The following PCDHGA8 variants were observed in gnomAD, a reference collection of about 807,000 sequenced individuals.
PCDHGA8 encodes protocadherin gamma subfamily A, 8.
Under a neutral mutation model 59.2 loss-of-function variants are expected in PCDHGA8, and 45 were observed. The observed-to-expected ratio is 0.76, with a 90% CI of 0.60 to 0.98. The LOEUF is 0.98. PCDHGA8 is among the 50% of genes least tolerant of loss of function. The probability of loss-of-function intolerance (pLI) is 0.00; values close to 1 mark genes in which losing one functional copy is unlikely to be tolerated. For missense variants in PCDHGA8, 1,257 were observed against 1,196.2 expected (o/e 1.05, Z -0.75); for synonymous variants, 531 against 519.0 (o/e 1.02, Z -0.32).
intron 1 of PCDHGA8, chr5:141,399,287 C>A: frequency 6.2e-7 from 1 of 1,613,912 alleles, no homozygotes; most frequent in Non-Finnish European, 8.5e-7. Context: ...GGCGAAGTCC[C>A]TTTTAAGATT....
intron 1 of PCDHGA8, chr5:141,421,970 A>G (rs2096615419): frequency 1.2e-6 from 2 of 1,610,810 alleles, no homozygotes; most frequent in Non-Finnish European, 1.7e-6. Context: ...CAGTCCGTAT[A>G]TCGCGTGAGT....
intron 1 of PCDHGA8, chr5:141,397,859 C>T: frequency 1.8e-6 from 1 of 559,674 alleles, no homozygotes. Context: ...CTGTAGTTTC[C>T]TAGTGCTGAC....
Position 141,490,369 on chromosome 5 carries a change from C to T in PCDHGA8, c.2425-4438C>T, listed in dbSNP as rs201347968. On this transcript the variant is annotated intron_variant, in intron 1 of 3. Transcript: ENST00000398604. This position sits in a 1 kb window ranked among gnomAD's most constrained non-coding sequence, Gnocchi z 5.4. ...AGTGGGGTTGTTTAATGTGCGAGAC[C>T]GGGACTCAGGTAGAAATGGTGAAGT... The T allele has an allele frequency of 4.0e-5, 64 of 1,614,090 alleles. No individual in the cohort carries two copies. In the Admixed American group the frequency reaches 6.0e-4, roughly 15 times the overall value.
Position 141,420,255 on chromosome 5 carries a change from A to T in PCDHGA8, c.2424+25018A>T, listed in dbSNP as rs917458059. The T allele has an allele frequency of 2.5e-6, 4 of 1,569,630 alleles. No homozygotes were observed. The highest frequency in any genetic ancestry group is 1.4e-5 in the African/African-American group (1 of 73,152). On this transcript the variant is annotated intron_variant, in intron 1 of 3. Coordinates refer to ENST00000398604, the MANE Select transcript of PCDHGA8 (RefSeq NM_032088.2). ...ATTTTAACTCCCAGCGTTGAAGCAG[A>T]TAAGAAGATTCTTAAACAGGTAAGT...
chr5:141,398,829 C>G (rs1020690994), intron 1 of PCDHGA8: 2 of 1,613,876 alleles, frequency 1.2e-6, no homozygotes, highest in African/African-American at 1.3e-5. Context: ...AGGTAACCGA[C>G]GCCAATGATA....
In PCDHGA8 at chr5:141,432,113, T is replaced by G. The variant is rs1174697940; in HGVS notation, c.2424+36876T>G. 1 of 1,614,078 alleles carries G rather than the reference T, an allele frequency of 6.2e-7. No homozygotes were observed. The highest frequency in any genetic ancestry group is 8.5e-7 in the Non-Finnish European group (1 of 1,180,006). On this transcript the variant is annotated intron_variant, in intron 1 of 3. Coordinates refer to ENST00000398604, the MANE Select transcript of PCDHGA8 (RefSeq NM_032088.2). The surrounding 1 kb of genome is among the most constrained non-coding windows in gnomAD (Gnocchi z 6.0). ...AGACACCAACGACAACCCGCCGGTC[T>G]TCCCTCAGGCCTCCTATTCCGCTTA... is the stretch of plus-strand genomic sequence containing the variant.
chr5:141,486,137 G>A lies in PCDHGA8; in HGVS notation c.2425-8670G>A, dbSNP rs1187526031. 1 of 1,614,074 alleles carries A rather than the reference G, an allele frequency of 6.2e-7. No individual in the cohort carries two copies. On this transcript the variant is annotated intron_variant, in intron 1 of 3. Coordinates refer to ENST00000398604, the MANE Select transcript of PCDHGA8 (RefSeq NM_032088.2). The surrounding 1 kb of genome is among the most constrained non-coding windows in gnomAD (Gnocchi z 5.0). ...GAATTACTATGAATTTGATGTGCGGGCTCGCGATGGGGGTTCTCCAGCCAT... is the reference window on the plus strand; with the variant it reads ...GAATTACTATGAATTTGATGTGCGGACTCGCGATGGGGGTTCTCCAGCCAT...
rs758066525 is a variant in PCDHGA8, at chr5:141,477,331, T to C, written c.2425-17476T>C. The C allele has an allele frequency of 7.4e-6, 12 of 1,614,024 alleles. No individual in the cohort carries two copies. In the East Asian group the frequency reaches 1.1e-4, roughly 15 times the overall value. Reference sequence around the variant, plus strand: ...TCAGCCTTACTTCTTCCCTCAAGAATTACTTCACTTTGAAAACCAGTGCAG... The same window carrying C: ...TCAGCCTTACTTCTTCCCTCAAGAACTACTTCACTTTGAAAACCAGTGCAG... On this transcript the variant is annotated intron_variant, in intron 1 of 3. Coordinates refer to ENST00000398604, the MANE Select transcript of PCDHGA8 (RefSeq NM_032088.2). This position sits in a 1 kb window ranked among gnomAD's most constrained non-coding sequence, Gnocchi z 4.9.
intron 1 of PCDHGA8, chr5:141,400,163 ACC>A (rs2093974471): frequency 6.2e-7 from 1 of 1,613,712 alleles, no homozygotes. Context: ...GTACCCTCTG[ACC>A]CCCAGGCTGA....
At position 141,392,915 on chromosome 5, in the gene PCDHGA8, T is replaced by A; in HGVS notation, c.102T>A (p.Ser34=). 2 of 1,613,920 alleles carry A rather than the reference T, an allele frequency of 1.2e-6. No individual in the cohort carries two copies. The highest frequency in any genetic ancestry group is 1.7e-6 in the Non-Finnish European group (2 of 1,179,894). Residue 34 remains serine, a synonymous_variant, in exon 1 of 4, where the codon TCT becomes TCA. Coordinates refer to ENST00000398604, the MANE Select transcript of PCDHGA8 (RefSeq NM_032088.2). ...TCGGGAGGGGACAGATTCGCTACTC[T>A]GTGCCAGAAGAGACGGACAAAGGCT... The part of the protein sequence containing the change: ...WEIGRGQIRY[S]VPEETDKGSF...
chr5:141,444,240 C>A (rs1017550385), intron 1 of PCDHGA8, among the ~76,000 whole-genome samples: 1 of 128,688 alleles, frequency 7.8e-6, no homozygotes, highest in Admixed American at 9.7e-5. Flanking sequence ...GGCATGCTCT[C>A]GGCTCACTGC....
In PCDHGA8 at chr5:141,394,514, C is replaced by T; in HGVS notation, c.1701C>T (p.Leu567=). The change falls in exon 1 of 4, where the codon CTC becomes CTT. Residue 567 remains leucine (L), a synonymous_variant. Coordinates refer to ENST00000398604, the MANE Select transcript of PCDHGA8 (RefSeq NM_032088.2). ...DNAPEILYPA[L]PTDGSTGVEL... is the part of the protein sequence containing the mutation. ...CGCCCGAGATCCTGTACCCCGCCCTCCCCACAGACGGTTCCACTGGCGTGG... is the reference window on the plus strand; with the variant it reads ...CGCCCGAGATCCTGTACCCCGCCCTTCCCACAGACGGTTCCACTGGCGTGG... The T allele has an allele frequency of 6.2e-7, 1 of 1,614,230 alleles. No individual in the cohort carries two copies.
intron 1 of PCDHGA8, chr5:141,422,550 G>A: frequency 6.2e-7 from 1 of 1,613,978 alleles, no homozygotes; most frequent in Non-Finnish European, 8.5e-7. Flanking sequence ...ATGTCTGGCT[G>A]AATGTGGCAG....
At chr5:141,454,871 G>A (rs1337911223) in intron 1 of PCDHGA8, among the ~76,000 whole-genome samples, 2 of 129,030 alleles carry the variant, frequency 1.6e-5, no homozygotes, top group Non-Finnish European at 3.1e-5. Context: ...GCAGTGGCAC[G>A]ATCTTGGCTC....
intron 1 of PCDHGA8, among the ~76,000 whole-genome samples, chr5:141,465,041 C>T (rs2099095802): frequency 6.6e-6 from 1 of 151,856 alleles, no homozygotes; most frequent in Non-Finnish European, 1.5e-5. Flanking sequence ...CACAAATGAC[C>T]CTATATATTT....
intron 1 of PCDHGA8, chr5:141,419,206 G>A: frequency 1.9e-6 from 3 of 1,613,876 alleles, no homozygotes; most frequent in Non-Finnish European, 1.7e-6. Flanking sequence ...ATGACAACGC[G>A]CCGGTTTTCG....
rs1219684339 is a variant in PCDHGA8, at chr5:141,506,444, CAAAAAAAAAAA to C, written c.2572+974_2572+984del. Among the ~76,000 whole-genome samples, 33 of 95,024 alleles carry C rather than the reference CAAAAAAAAAAA, an allele frequency of 3.5e-4. No individual in the cohort carries two copies. The East Asian group carries it at 0.011, about 31-fold the overall frequency. The allele number at this position is 95,024 out of a possible 152,430, so 62.3% of individuals were successfully genotyped here. On this transcript the variant is annotated intron_variant, in intron 3 of 3. Coordinates refer to ENST00000398604, the MANE Select transcript of PCDHGA8 (RefSeq NM_032088.2). ...CCTGGGCAACAGTCTCGCTCTGTCTCAAAAAAAAAAAAAAAAAAAAAGAGCACAGGCTTTAG... is the reference window on the plus strand; with the variant it reads ...CCTGGGCAACAGTCTCGCTCTGTCTCAAAAAAAAAAGAGCACAGGCTTTAG...
chr5:141,400,121 A>C lies in PCDHGA8; in HGVS notation c.2424+4884A>C. On this transcript the variant is annotated intron_variant, in intron 1 of 3. Coordinates refer to ENST00000398604, the MANE Select transcript of PCDHGA8 (RefSeq NM_032088.2). Reference sequence around the variant, plus strand: ...CACTTGGTCTTTGCTGACAGCTTGCAGGAGGTGCTGCCGGATATCACTGAC... The same window carrying C: ...CACTTGGTCTTTGCTGACAGCTTGCCGGAGGTGCTGCCGGATATCACTGAC... 1.2e-6 allele frequency: 2 copies of C among 1,614,054 alleles called. No individual in the cohort carries two copies. The highest frequency in any genetic ancestry group is 1.7e-6 in the Non-Finnish European group (2 of 1,179,890).
intron 1 of PCDHGA8, among the ~76,000 whole-genome samples, chr5:141,484,796 C>A (rs987893041): frequency 1.3e-5 from 2 of 151,304 alleles, no homozygotes; most frequent in African/African-American, 4.9e-5. Flanking sequence ...GATAACAACC[C>A]GTGGAAAAAC....
Sources: allele counts gnomAD v4.1 joint callset (sites outside exome capture counted in the v4.1 genomes callset), GRCh38; gene constraint gnomAD v4.1.1; non-coding constraint Gnocchi (gnomAD v3.1); transcripts MANE v1.5; gene names NCBI Gene and HGNC (gene_info 2026-07-23, HGNC 2026-07-21).